Variants in PCDHGB6 observed in about 807,000 individuals in gnomAD.
The protein encoded by PCDHGB6 is protocadherin gamma-B6.
PCDHGB6 carries 51 observed loss-of-function variants against 59.1 expected under a neutral mutation model. The ratio of observed to expected loss-of-function variants is 0.86; its 90% CI spans 0.69 to 1.09. PCDHGB6 has a LOEUF of 1.09. Among genes scored for constraint, PCDHGB6 ranks in the 50% least tolerant of loss-of-function variants. The pLI is 0.00. For missense variants in PCDHGB6, 1,148 were observed against 1,205.1 expected (o/e 0.95, Z 0.70); for synonymous variants, 466 against 495.1 (o/e 0.94, Z 0.78).
At chr5:141,418,265 G>A (rs2096242953) in intron 1 of PCDHGB6, 1 of 1,614,062 alleles carries the variant, frequency 6.2e-7, no homozygotes, top group East Asian at 2.2e-5. Context: ...ATTCCGGAAA[G>A]ATGAAATAAA....
intron 1 of PCDHGB6, among the ~76,000 whole-genome samples, chr5:141,480,796 C>G (rs1007525949): frequency 2.6e-5 from 4 of 152,074 alleles, no homozygotes; most frequent in African/African-American, 7.2e-5. Flanking sequence ...ATTTGAAAAC[C>G]ACAGCTTTGG....
At position 141,487,728 on chromosome 5, in the gene PCDHGB6, C is replaced by T. The variant is rs986276637; in HGVS notation, c.2419-7079C>T. 2 of 1,570,444 alleles carry T rather than the reference C, an allele frequency of 1.3e-6. No homozygotes were observed. Among genetic ancestry groups the T allele is most frequent in the East Asian group, 2.3e-5 (1 of 42,866 alleles). ...TCAGTAAGTGCCCATAGTGATGTCA[C>T]CATTTTTGTAAGAGGTAACTATGTG... On this transcript the variant is annotated intron_variant, in intron 1 of 3. Coordinates refer to ENST00000520790, the MANE Select transcript of PCDHGB6 (RefSeq NM_018926.3). The surrounding 1 kb of genome is among the most constrained non-coding windows in gnomAD (Gnocchi z 5.0).
Position 141,423,504 on chromosome 5 carries a change from T to G in PCDHGB6, c.2418+12884T>G, listed in dbSNP as rs1448233226. ...TGCAAACCTATTCCCACGAGGTCTCTCTCATTGCGGACTCGCAGAAGAGTC... is the reference window on the plus strand; with the variant it reads ...TGCAAACCTATTCCCACGAGGTCTCGCTCATTGCGGACTCGCAGAAGAGTC... On this transcript the variant is annotated intron_variant, in intron 1 of 3. Transcript: ENST00000520790. The G allele has an allele frequency of 3.1e-6, 5 of 1,613,770 alleles. No individual in the cohort carries two copies. The Admixed American group carries it at 8.3e-5, about 27-fold the overall frequency.
intron 1 of PCDHGB6, among the ~76,000 whole-genome samples, chr5:141,437,415 G>A: frequency 6.6e-6 from 1 of 152,162 alleles, no homozygotes; most frequent in Non-Finnish European, 1.5e-5. Context: ...GAAGTATTAT[G>A]CTTTTTGAAG....
chr5:141,494,537 G>C (rs2099755111), intron 1 of PCDHGB6, among the ~76,000 whole-genome samples: 1 of 152,168 alleles, frequency 6.6e-6, no homozygotes, highest in Non-Finnish European at 1.5e-5. Flanking sequence ...TGGGGGCAGG[G>C]AGGAAGGGGC....
intron 1 of PCDHGB6, among the ~76,000 whole-genome samples, chr5:141,492,949 A>G (rs1470301496): frequency 6.6e-6 from 1 of 152,226 alleles, no homozygotes; most frequent in African/African-American, 2.4e-5. Flanking sequence ...GGAGGTGACC[A>G]AACTATCTGA....
intron 1 of PCDHGB6, chr5:141,415,797 C>G (rs940812419): frequency 3.9e-5 from 52 of 1,331,434 alleles, no homozygotes; most frequent in Non-Finnish European, 4.8e-5. Context: ...TTCACCTAGT[C>G]TCAATCAAGG....
At chr5:141,421,582 G>A (rs531591776) in intron 1 of PCDHGB6, 4 of 1,613,874 alleles carry the variant, frequency 2.5e-6, no homozygotes, top group Non-Finnish European at 2.5e-6. Flanking sequence ...GAAGATTTAC[G>A]GAGTGGAGGT....
At chr5:141,506,382 G>T (rs1311307230) in intron 3 of PCDHGB6, among the ~76,000 whole-genome samples, 1 of 151,500 alleles carries the variant, frequency 6.6e-6, no homozygotes, top group East Asian at 1.9e-4. Flanking sequence ...CTGGGAGGTG[G>T]CTGTGGTGAG....
At chr5:141,506,188 C>T (rs925159785) in intron 3 of PCDHGB6, among the ~76,000 whole-genome samples, 2 of 152,058 alleles carry the variant, frequency 1.3e-5, no homozygotes, top group African/African-American at 4.8e-5. Flanking sequence ...TGGTGGCTCA[C>T]GCCTGTAATC....
At chr5:141,468,403 A>C (rs2099166784) in intron 1 of PCDHGB6, 1 of 152,088 alleles carries the variant, frequency 6.6e-6, no homozygotes, top group African/African-American at 2.4e-5. Flanking sequence ...GGTGAGAACT[A>C]ATAATAAGTT....
intron 1 of PCDHGB6, among the ~76,000 whole-genome samples, chr5:141,451,430 T>C (rs1441183396): frequency 2.0e-5 from 3 of 152,240 alleles, no homozygotes; most frequent in Non-Finnish European, 4.4e-5. Context: ...AGACTAAGGG[T>C]TCCAGTTCCT....
At position 141,486,761 on chromosome 5, in the gene PCDHGB6, A is replaced by G. The variant is rs1368106682; in HGVS notation, c.2419-8046A>G. 1 of 1,614,114 alleles carries G rather than the reference A, an allele frequency of 6.2e-7. No homozygotes were observed. The highest frequency in any genetic ancestry group is 8.5e-7 in the Non-Finnish European group (1 of 1,180,056). ...ATCCTTTGACTATGAGCAAACCCAG[A>G]CACTGCAGTTTGAGGTGCAGGCCCG... On this transcript the variant is annotated intron_variant, in intron 1 of 3. Transcript: ENST00000520790. The surrounding 1 kb of genome is among the most constrained non-coding windows in gnomAD (Gnocchi z 5.0).
At chr5:141,475,512 C>A (rs2099364350) in intron 1 of PCDHGB6, among the ~76,000 whole-genome samples, 2 of 152,326 alleles carry the variant, frequency 1.3e-5, no homozygotes, top group South Asian at 4.1e-4. Context: ...AATGTCTCCA[C>A]GGAAATGCTA....
chr5:141,460,553 C>A (rs2098991893), intron 1 of PCDHGB6, among the ~76,000 whole-genome samples: 1 of 152,032 alleles, frequency 6.6e-6, no homozygotes. Context: ...AATCAAAAAT[C>A]ATTTGGCCAT....
intron 1 of PCDHGB6, chr5:141,414,898 G>T: frequency 6.2e-7 from 1 of 1,614,190 alleles, no homozygotes; most frequent in East Asian, 2.2e-5. Context: ...CCCCACAGAC[G>T]GTTCCACAGG....
chr5:141,431,833 AAACTCT>A lies in PCDHGB6; in HGVS notation c.2418+21214_2418+21219del. The A allele has an allele frequency of 1.2e-6, 2 of 1,614,278 alleles. No homozygotes were observed. Among genetic ancestry groups the A allele is most frequent in the Non-Finnish European group, 1.7e-6 (2 of 1,180,044 alleles). ...CCTCTCTCGCCAGCTCGGTTCCCGA[AAACTCT>A]CCCAGAGGGACATTAATTGCCCTTT... is the stretch of plus-strand genomic sequence containing the variant. On this transcript the variant is annotated intron_variant, in intron 1 of 3. Transcript: ENST00000520790. This position sits in a 1 kb window ranked among gnomAD's most constrained non-coding sequence, Gnocchi z 4.8.
Position 141,431,724 on chromosome 5 carries a change from T to C in PCDHGB6, c.2418+21104T>C, listed in dbSNP as rs758754345. The C allele has an allele frequency of 6.2e-7, 1 of 1,614,036 alleles. No individual in the cohort carries two copies. Among genetic ancestry groups the C allele is most frequent in the Non-Finnish European group, 8.5e-7 (1 of 1,180,036 alleles). On this transcript the variant is annotated intron_variant, in intron 1 of 3. Coordinates refer to ENST00000520790, the MANE Select transcript of PCDHGB6 (RefSeq NM_018926.3). This position sits in a 1 kb window ranked among gnomAD's most constrained non-coding sequence, Gnocchi z 4.8. The stretch of plus-strand genomic sequence containing the variant: ...TTCTACCAGATGGAAGTGCAAGCAA[T>C]GGATAATGCAGGATATTCTGCGCGA...
intron 2 of PCDHGB6, among the ~76,000 whole-genome samples, chr5:141,501,061 G>T (rs746369272): frequency 1.5e-4 from 23 of 152,118 alleles, no homozygotes; most frequent in Non-Finnish European, 2.1e-4. Flanking sequence ...TAGAGACGGG[G>T]TTTCACCATG....
Sources: allele counts gnomAD v4.1 joint callset (sites outside exome capture counted in the v4.1 genomes callset), GRCh38; gene constraint gnomAD v4.1.1; non-coding constraint Gnocchi (gnomAD v3.1); transcripts MANE v1.5; gene names NCBI Gene and HGNC (gene_info 2026-07-23, HGNC 2026-07-21).